The following TNIP3 variants were observed in gnomAD, a reference collection of about 807,000 sequenced individuals.
The protein encoded by TNIP3 is TNFAIP3 interacting protein 3.
TNIP3 carries 34 observed loss-of-function variants against 54.1 expected under a neutral mutation model. That is an observed-to-expected ratio of 0.63 (90% confidence interval 0.48 to 0.84). The LOEUF (loss-of-function observed/expected upper bound fraction) is 0.84. TNIP3 is among the 40% of genes least tolerant of loss of function. The probability of loss-of-function intolerance (pLI) is 0.00; values close to 1 mark genes in which losing one functional copy is unlikely to be tolerated. For missense variants in TNIP3, 366 were observed against 387.6 expected (o/e 0.94, Z 0.47); for synonymous variants, 134 against 136.8 (o/e 0.98, Z 0.14).
intron 3 of TNIP3, among the ~76,000 whole-genome samples, chr4:121,180,568 G>A (rs1015844283): frequency 1.3e-5 from 2 of 152,170 alleles, no homozygotes; most frequent in African/African-American, 2.4e-5. Context: ...GGAAAGTTTT[G>A]GATGCTGTGA....
chr4:121,171,109 C>T (rs1731040776), intron 3 of TNIP3, among the ~76,000 whole-genome samples: 1 of 152,150 alleles, frequency 6.6e-6, no homozygotes, highest in South Asian at 2.1e-4. Flanking sequence ...AGCCACCATG[C>T]CTTGCCAGTA....
In TNIP3 at chr4:121,214,689, T is replaced by C. The variant is rs141735185; in HGVS notation, c.68+1726A>G. On this transcript the variant is annotated intron_variant, in intron 2 of 12. Coordinates refer to the TNIP3 transcript ENST00000507879. ...AAAGGAGGATGGGTATCATCTTTCC[T>C]AGAAGTTGTTCAACATCACATCATA... Among the ~76,000 whole-genome samples the C allele has an allele frequency of 6.4e-4, 97 of 152,360 alleles. 2 individuals are homozygous for C. In the East Asian group the frequency reaches 0.013, roughly 21 times the overall value.
At position 121,142,728 on chromosome 4, in the gene TNIP3, G is replaced by T. The variant is rs766007445; in HGVS notation, c.784C>A (p.Gln262Lys). 6.2e-7 allele frequency: 1 copy of T among 1,610,858 alleles called. No individual in the cohort carries two copies. The highest frequency in any genetic ancestry group is 8.5e-7 in the Non-Finnish European group (1 of 1,177,416). ...GCGTGAAAATTAGATCAACATACCTGTTTTAATTGCTTTTCTAGTTTTTCT... is the reference window on the plus strand; with the variant it reads ...GCGTGAAAATTAGATCAACATACCTTTTTTAATTGCTTTTCTAGTTTTTCT... Reference protein sequence around the residue: ...EKEKLEKQLKQMYCPPCNCGL... With the variant: ...EKEKLEKQLKKMYCPPCNCGL... Residue 262 changes from glutamine (Q) to lysine (K), a missense_variant and splice_region_variant, in exon 8 of 11, where the codon CAG becomes AAG. Gln to Lys is a moderately conservative substitution (Grantham distance 53). Transcript: ENST00000057513.
rs187060133 is a variant in TNIP3, at chr4:121,178,091, C to G, written c.189+4585G>C. On this transcript the variant is annotated intron_variant, in intron 3 of 12. Coordinates refer to the TNIP3 transcript ENST00000507879. ...TCCTGACACCAGCTGGAGCTCTGCT[C>G]TAGTCTTCAAATAACTCTGAGGTGA... Among the ~76,000 whole-genome samples, 7 of 152,204 alleles carry G rather than the reference C, an allele frequency of 4.6e-5. No homozygotes were observed. The East Asian group carries it at 1.4e-3, about 29-fold the overall frequency.
intron 3 of TNIP3, among the ~76,000 whole-genome samples, chr4:121,174,107 C>T (rs1724154741): frequency 6.6e-6 from 1 of 152,184 alleles, no homozygotes; most frequent in African/African-American, 2.4e-5. Flanking sequence ...ATCTTTTCTG[C>T]ATCATTCCTG....
intron 1 of TNIP3, among the ~76,000 whole-genome samples, chr4:121,222,963 G>C (rs1457835018): frequency 6.6e-6 from 1 of 151,882 alleles, no homozygotes; most frequent in South Asian, 2.1e-4. Context: ...CCACCACCAC[G>C]CCCGCCTAAT....
rs905753057 is a variant in TNIP3 at position 121,216,530 on chromosome 4, G to A, written c.-18-30C>T. Reference sequence around the variant, plus strand: ...AATAAAAAAATATGAAGGACATGAGGCTCAGATGTACGTCAAGGGAAGTTA... The same window carrying A: ...AATAAAAAAATATGAAGGACATGAGACTCAGATGTACGTCAAGGGAAGTTA... On this transcript the variant is annotated intron_variant, in intron 1 of 12. Transcript: ENST00000507879. 7.2e-6 allele frequency: 11 copies of A among 1,534,434 alleles called. No individual in the cohort carries two copies. The African/African-American group carries it at 1.2e-4, about 17-fold the overall frequency.
chr4:121,139,580 T>G (rs1435008239), intron 9 of TNIP3, among the ~76,000 whole-genome samples: 2 of 152,116 alleles, frequency 1.3e-5, no homozygotes, highest in African/African-American at 2.4e-5. Flanking sequence ...TGAGGAAAAT[T>G]TTTCTAACAT....
chr4:121,196,273 A>T (rs1227719202), intron 2 of TNIP3, among the ~76,000 whole-genome samples: 1 of 152,242 alleles, frequency 6.6e-6, no homozygotes, highest in African/African-American at 2.4e-5. Flanking sequence ...ATACTGTGAT[A>T]AAAATCCATT....
chr4:121,213,802 A>G (rs1263709699), intron 2 of TNIP3, among the ~76,000 whole-genome samples: 1 of 152,172 alleles, frequency 6.6e-6, no homozygotes, highest in Non-Finnish European at 1.5e-5. Context: ...GAAAAATTAA[A>G]ATATTAAAAT....
At chr4:121,137,960 G>A (rs759557052) in intron 10 of TNIP3, 8 of 456,002 alleles carry the variant, frequency 1.8e-5, no homozygotes, top group Admixed American at 7.1e-5. Context: ...TATACAGCCC[G>A]CTTCTGGGTG....
intron 7 of TNIP3, among the ~76,000 whole-genome samples, chr4:121,145,056 C>T (rs1222396242): frequency 2.6e-5 from 4 of 152,188 alleles, no homozygotes. Flanking sequence ...AACGCATCCT[C>T]AGTGATAGAA....
chr4:121,206,074 T>G (rs945346918), intron 2 of TNIP3, among the ~76,000 whole-genome samples: 9 of 152,076 alleles, frequency 5.9e-5, no homozygotes, highest in African/African-American at 2.2e-4. Context: ...CTCCCATGAT[T>G]CAATTACCTC....
At chr4:121,140,227 G>T (rs544060136) in intron 9 of TNIP3, among the ~76,000 whole-genome samples, 15 of 152,114 alleles carry the variant, frequency 9.9e-5, no homozygotes, top group South Asian at 2.1e-4. Context: ...CCAGCCAGTC[G>T]GGAGGCTGAG....
intron 1 of TNIP3, among the ~76,000 whole-genome samples, chr4:121,225,636 G>A (rs778330220): frequency 1.3e-5 from 2 of 152,228 alleles, no homozygotes; most frequent in Non-Finnish European, 1.5e-5. Context: ...TAGAAAAAGA[G>A]CTAAAGAGTA....
At chr4:121,150,368 G>C in intron 5 of TNIP3, 149 bp from the exon 6 acceptor site, 1 of 455,052 alleles carries the variant, frequency 2.2e-6, no homozygotes. Context: ...TCTTCTTTCT[G>C]ATTTTCTCAT....
intron 6 of TNIP3, among the ~76,000 whole-genome samples, chr4:121,148,116 G>C (rs1378087499): frequency 1.3e-5 from 2 of 152,148 alleles, no homozygotes; most frequent in Non-Finnish European, 1.5e-5. Context: ...ATTACCAGAG[G>C]CATTTTAAAT....
upstream of TNIP3, among the ~76,000 whole-genome samples, chr4:121,166,161 G>A (rs1199512687): frequency 2.6e-5 from 4 of 152,190 alleles, no homozygotes; most frequent in Non-Finnish European, 5.9e-5. Flanking sequence ...TGTTAGGTGT[G>A]ATGGCTTCTA....
chr4:121,187,333 T>G (rs554637742), intron 2 of TNIP3, among the ~76,000 whole-genome samples: 1 of 152,344 alleles, frequency 6.6e-6, no homozygotes, highest in Non-Finnish European at 1.5e-5. Flanking sequence ...TTGAGAGTTA[T>G]GGCTCCAATG....
Sources: gnomAD v4.1 joint callset for allele counts (sites outside exome capture counted in the v4.1 genomes callset) on GRCh38, gnomAD v4.1.1 for gene constraint, MANE v1.5 for transcripts, NCBI Gene and HGNC (gene_info 2026-07-23, HGNC 2026-07-21) for gene names.